Variants in PPP4R3B observed in about 807,000 individuals in gnomAD.
The protein encoded by PPP4R3B is protein phosphatase 4 regulatory subunit 3B.
Under a neutral mutation model 95.4 loss-of-function variants are expected in PPP4R3B, and 52 were observed. The ratio of observed to expected loss-of-function variants is 0.54; its 90% CI spans 0.44 to 0.69. The LOEUF (loss-of-function observed/expected upper bound fraction) is 0.69. Among genes scored for constraint, PPP4R3B ranks in the 30% least tolerant of loss-of-function variants. The pLI is 0.00. For missense variants in PPP4R3B, 1,003 were observed against 1,005.9 expected (o/e 1.00, Z 0.04); for synonymous variants, 407 against 343.9 (o/e 1.18, Z -2.03).
chr2:55,584,758 G>T (rs1689912180), intron 7 of PPP4R3B, among the ~76,000 whole-genome samples: 1 of 151,698 alleles, frequency 6.6e-6, no homozygotes, highest in Non-Finnish European at 1.5e-5. Flanking sequence ...ATCTCCTAAG[G>T]CTTGAAATTA....
At chr2:55,596,245 C>G (rs901332745) in intron 4 of PPP4R3B, among the ~76,000 whole-genome samples, 2 of 152,094 alleles carry the variant, frequency 1.3e-5, no homozygotes, top group Admixed American at 6.5e-5. Context: ...CGAAGCAAAT[C>G]TGACTTTCAA....
intron 2 of PPP4R3B, among the ~76,000 whole-genome samples, chr2:55,613,720 C>T (rs1242319432): frequency 2.6e-5 from 4 of 151,536 alleles, no homozygotes; most frequent in African/African-American, 7.3e-5. Flanking sequence ...CATTATTAAA[C>T]CTAAATTTGT....
chr2:55,568,022 A>G, intron 13 of PPP4R3B, 172 bp downstream of exon 13: 1 of 382,294 alleles, frequency 2.6e-6, no homozygotes. Flanking sequence ...AGAATTAAAA[A>G]GCTACTGATT....
intron 4 of PPP4R3B, among the ~76,000 whole-genome samples, chr2:55,594,213 G>A (rs1488140503): frequency 2.6e-5 from 4 of 151,580 alleles, no homozygotes; most frequent in East Asian, 1.9e-4. Flanking sequence ...TCAATATCAC[G>A]GTGATGGGTA....
chr2:55,571,446 A>T (rs773330780), intron 12 of PPP4R3B, among the ~76,000 whole-genome samples: 13 of 152,322 alleles, frequency 8.5e-5, no homozygotes, highest in Non-Finnish European at 4.4e-5. Context: ...AATTAATATA[A>T]AAATATAATG....
intron 6 of PPP4R3B, among the ~76,000 whole-genome samples, chr2:55,586,108 T>G (rs1048346354): frequency 6.6e-6 from 1 of 152,214 alleles, no homozygotes; most frequent in Non-Finnish European, 1.5e-5. Context: ...AAAAGTTATA[T>G]TGATTTCAAT....
At chr2:55,555,865 G>C (rs1210138931) in intron 16 of PPP4R3B, among the ~76,000 whole-genome samples, 3 of 152,166 alleles carry the variant, frequency 2.0e-5, no homozygotes, top group African/African-American at 7.2e-5. Flanking sequence ...TCTCTACTGT[G>C]AATCTGTGAC....
chr2:55,548,962 C>A lies in PPP4R3B; in HGVS notation c.*949G>T, dbSNP rs1472285858. On this transcript the variant is annotated 3_prime_UTR_variant, in exon 17 of 17. Coordinates refer to ENST00000616407, the MANE Select transcript of PPP4R3B (RefSeq NM_001122964.3). ...CATGCTGACTTTGACACTTAAGTAGCTTCTTGGATCAAAATGGCTTCTAGA... is the reference window on the plus strand; with the variant it reads ...CATGCTGACTTTGACACTTAAGTAGATTCTTGGATCAAAATGGCTTCTAGA... 6.6e-6 allele frequency: 1 copy of A among 152,572 alleles called. No individual in the cohort carries two copies. The highest frequency in any genetic ancestry group is 2.4e-5 in the African/African-American group (1 of 41,410). 9.5% of individuals were successfully genotyped at this position (152,572 alleles called of 1,614,324 possible). A position where few individuals can be genotyped will look rare whatever the true frequency, so the allele number is the denominator to read the frequency against.
At chr2:55,579,910 G>A (rs1689215961) in intron 8 of PPP4R3B, 129 bp from the exon 9 acceptor site, 2 of 449,088 alleles carry the variant, frequency 4.5e-6, no homozygotes, top group South Asian at 5.0e-5. Context: ...TCATATATAA[G>A]CAGATACTTT....
Position 55,567,953 on chromosome 2 carries a change from C to T in PPP4R3B, c.1935+241G>A, listed in dbSNP as rs952234842. On this transcript the variant is annotated intron_variant, in intron 13 of 16. Transcript: ENST00000616407. ...TATATTTCACAATTAAAAATATTAG[C>T]GTTAAAAAATATCAGTGTCAAAAGT... is the stretch of plus-strand genomic sequence containing the variant. 1.5e-4 allele frequency: 32 copies of T among 220,294 alleles called. 1 individual carries two copies. The highest frequency in any genetic ancestry group is 9.8e-4 in the Admixed American group (17 of 17,430). The allele number at this position is 220,294 out of a possible 1,614,324, so 13.6% of individuals were successfully genotyped here.
rs1431055021 is a variant in PPP4R3B, at chr2:55,585,072, T to C, written c.1212A>G (p.Gln404=). The part of the protein sequence containing the change: ...SPSMVREFVM[Q]EAQQSDDDIL... ...TTACGTCATCACTCTGCTGAGCTTC[T>C]TGCATTACAAACTCTCGGACCATAG... The change falls in exon 7 of 17, where the codon CAA becomes CAG. Residue 404 remains glutamine (Q), a synonymous_variant. Coordinates refer to ENST00000616407, the MANE Select transcript of PPP4R3B (RefSeq NM_001122964.3). 7.4e-6 allele frequency: 12 copies of C among 1,611,368 alleles called. No homozygotes were observed. Among genetic ancestry groups the C allele is most frequent in the Non-Finnish European group, 1.0e-5 (12 of 1,178,816 alleles).
At chr2:55,575,289 T>C (rs546534446) in intron 11 of PPP4R3B, among the ~76,000 whole-genome samples, 2 of 149,004 alleles carry the variant, frequency 1.3e-5, no homozygotes, top group East Asian at 1.9e-4. Context: ...GAGAGGGACC[T>C]ACTGAATAAA....
At chr2:55,561,845 T>C (rs866583882) in intron 15 of PPP4R3B, among the ~76,000 whole-genome samples, 1 of 152,230 alleles carries the variant, frequency 6.6e-6, no homozygotes, top group Non-Finnish European at 1.5e-5. Context: ...AGAAGGGATT[T>C]ACTTTGTCTC....
Position 55,586,753 on chromosome 2 carries a change from T to C in PPP4R3B, c.1000-19A>G, listed in dbSNP as rs776286202. On this transcript the variant is annotated intron_variant, in intron 5 of 16. Coordinates refer to ENST00000616407, the MANE Select transcript of PPP4R3B (RefSeq NM_001122964.3). Reference sequence around the variant, plus strand: ...AATTAACCTGTAATGTCAGAAATTTTAGTGAGACATTGATAAACATAAACT... The same window carrying C: ...AATTAACCTGTAATGTCAGAAATTTCAGTGAGACATTGATAAACATAAACT... 10 of 1,436,144 alleles carry C rather than the reference T, an allele frequency of 7.0e-6. No homozygotes were observed. Among genetic ancestry groups the C allele is most frequent in the Non-Finnish European group, 9.7e-6 (10 of 1,028,248 alleles). The allele number at this position is 1,436,144 out of a possible 1,614,324, so 89.0% of individuals were successfully genotyped here. A position where few individuals can be genotyped will look rare whatever the true frequency, so the allele number is the denominator to read the frequency against.
At chr2:55,597,129 G>C (rs1029373406) in intron 4 of PPP4R3B, among the ~76,000 whole-genome samples, 3 of 152,130 alleles carry the variant, frequency 2.0e-5, no homozygotes, top group African/African-American at 7.2e-5. Context: ...TCTGGAAATG[G>C]ATAGTGGTAA....
chr2:55,559,534 A>G (rs1358055735), intron 15 of PPP4R3B, among the ~76,000 whole-genome samples: 1 of 152,072 alleles, frequency 6.6e-6, no homozygotes, highest in African/African-American at 2.4e-5. Context: ...TGACTGGATC[A>G]TGGGGGTGGA....
chr2:55,602,317 G>C (rs571352114), intron 3 of PPP4R3B, among the ~76,000 whole-genome samples: 1 of 152,316 alleles, frequency 6.6e-6, no homozygotes, highest in Admixed American at 6.5e-5. Flanking sequence ...TGGTGTAAGA[G>C]AGTCTTGGTC....
intron 4 of PPP4R3B, among the ~76,000 whole-genome samples, chr2:55,593,257 T>C (rs1169798413): frequency 6.6e-6 from 1 of 152,136 alleles, no homozygotes; most frequent in African/African-American, 2.4e-5. Flanking sequence ...ACATTTGGAG[T>C]CACTAAAGTC....
At chr2:55,555,626 T>C (rs1302835300) in intron 16 of PPP4R3B, among the ~76,000 whole-genome samples, 3 of 152,184 alleles carry the variant, frequency 2.0e-5, no homozygotes, top group African/African-American at 7.2e-5. Flanking sequence ...GCACATTCTA[T>C]ACAGAAATAC....
Sources: allele counts gnomAD v4.1 joint callset (sites outside exome capture counted in the v4.1 genomes callset), GRCh38; gene constraint gnomAD v4.1.1; transcripts MANE v1.5; gene names NCBI Gene and HGNC (gene_info 2026-07-23, HGNC 2026-07-21).